ZCWPW2: variants seen among roughly 807,000 people sequenced by gnomAD.
ZCWPW2 encodes the protein zinc finger CW-type PWWP domain protein 2.
ZCWPW2 carries 45 observed loss-of-function variants against 46.6 expected under a neutral mutation model. The observed-to-expected ratio is 0.96, with a 90% CI of 0.76 to 1.24. ZCWPW2 has a LOEUF of 1.24. Ranked by LOEUF, ZCWPW2 falls within the 50% of genes most tolerant of loss-of-function variation. The probability of loss-of-function intolerance (pLI) is 0.00; values close to 1 mark genes in which losing one functional copy is unlikely to be tolerated. For synonymous variants in ZCWPW2, 152 were observed against 137.1 expected (o/e 1.11, Z -0.76); for missense variants, 429 against 403.9 (o/e 1.06, Z -0.53).
chr3:28,443,443 T>G (rs1443186521), intron 4 of ZCWPW2, among the ~76,000 whole-genome samples: 2 of 152,180 alleles, frequency 1.3e-5, no homozygotes. Flanking sequence ...GGTTCTCTGT[T>G]TTTCTAATTC....
chr3:28,360,349 C>CAAAAAAAAAAAAAAAAAAA (rs71087692), intron 1 of ZCWPW2, among the ~76,000 whole-genome samples: 1 of 53,924 alleles, frequency 1.9e-5, no homozygotes, highest in Non-Finnish European at 3.4e-5. Context: ...ACTAAAAATA[C>CAAAAAAAAAAAAAAAAAAA]AAAAAAAAAA....
Position 28,405,635 on chromosome 3 carries a change from C to T in ZCWPW2, c.-13-7421C>T, listed in dbSNP as rs531398695. Among the ~76,000 whole-genome samples, 63 of 152,210 alleles carry T rather than the reference C, an allele frequency of 4.1e-4. 1 individual carries two copies. Among genetic ancestry groups the T allele is most frequent in the African/African-American group, 1.5e-3 (62 of 41,516 alleles). ...GGATTACAGGCACCCACCACCATGC[C>T]TGGCTAATTTTTGTATTTTTAGTAG... On this transcript the variant is annotated intron_variant, in intron 2 of 9. Transcript: ENST00000383768.
chr3:28,464,980 C>A (rs1173125500), intron 4 of ZCWPW2, among the ~76,000 whole-genome samples: 1 of 152,108 alleles, frequency 6.6e-6, no homozygotes, highest in African/African-American at 2.4e-5. Context: ...TAGTATTTGT[C>A]TTTGAGAATA....
At chr3:28,508,546 C>T (rs569304556) in intron 6 of ZCWPW2, among the ~76,000 whole-genome samples, 6 of 152,064 alleles carry the variant, frequency 3.9e-5, no homozygotes, top group South Asian at 2.1e-4. Context: ...GAGACAGAGT[C>T]GCACTCCATC....
At chr3:28,369,840 T>A (rs950408939) in intron 1 of ZCWPW2, among the ~76,000 whole-genome samples, 1 of 152,192 alleles carries the variant, frequency 6.6e-6, no homozygotes, top group African/African-American at 2.4e-5. Context: ...GTTTACCTAC[T>A]CAAGCCTCAG....
intron 1 of ZCWPW2, among the ~76,000 whole-genome samples, chr3:28,352,279 A>G (rs1197310302): frequency 3.3e-5 from 5 of 151,982 alleles, no homozygotes; most frequent in Non-Finnish European, 7.4e-5. Context: ...TACATCCTTT[A>G]CCCTTAACCT....
intron 1 of ZCWPW2, among the ~76,000 whole-genome samples, chr3:28,385,065 A>G (rs193173866): frequency 9.5e-4 from 144 of 152,350 alleles, no homozygotes; most frequent in Non-Finnish European, 4.0e-4. Flanking sequence ...AAGAATCACA[A>G]ATAGATGTTG....
chr3:28,478,071 A>C (rs982813893), intron 4 of ZCWPW2, among the ~76,000 whole-genome samples: 1 of 152,152 alleles, frequency 6.6e-6, no homozygotes, highest in Non-Finnish European at 1.5e-5. Flanking sequence ...TTATGCCATG[A>C]AACTATAATC....
chr3:28,448,277 A>C (rs1001558887), intron 4 of ZCWPW2, among the ~76,000 whole-genome samples: 2 of 152,184 alleles, frequency 1.3e-5, no homozygotes. Flanking sequence ...AAAGAAATTC[A>C]GTTGCATTTC....
rs370593325 is a variant in ZCWPW2, at chr3:28,383,775, C to A, written c.-133-6723C>A. ...ACCTAAACCAAAGTACTCTTTTTGCCACTTTTCTGAAAGTTCAGGGGAAAA... is the reference window on the plus strand; with the variant it reads ...ACCTAAACCAAAGTACTCTTTTTGCAACTTTTCTGAAAGTTCAGGGGAAAA... On this transcript the variant is annotated intron_variant, in intron 1 of 9. Coordinates refer to ENST00000383768, the MANE Select transcript of ZCWPW2 (RefSeq NM_001040432.4). 2.0e-5 allele frequency among the ~76,000 whole-genome samples: 3 copies of A among 151,932 alleles called. No individual in the cohort carries two copies. The East Asian group carries it at 5.8e-4, about 29-fold the overall frequency.
chr3:28,388,318 T>C (rs1695354032), intron 1 of ZCWPW2, among the ~76,000 whole-genome samples: 1 of 152,138 alleles, frequency 6.6e-6, no homozygotes, highest in South Asian at 2.1e-4. Flanking sequence ...AAATTAGCTA[T>C]CACAAGTCCC....
chr3:28,434,474 ATGTT>A (rs72115982), intron 3 of ZCWPW2, among the ~76,000 whole-genome samples: 1,677 of 152,336 alleles, frequency 0.011, 27 homozygotes, highest in African/African-American at 0.03. Context: ...ATATCTCTAA[ATGTT>A]TGTTTTTAAT....
At chr3:28,468,808 G>A (rs1191200267) in intron 4 of ZCWPW2, among the ~76,000 whole-genome samples, 1 of 152,096 alleles carries the variant, frequency 6.6e-6, no homozygotes, top group African/African-American at 2.4e-5. Flanking sequence ...TGTCCTACAA[G>A]AAATGATAAA....
At chr3:28,390,676 A>G in intron 2 of ZCWPW2, 59 bp downstream of exon 2, 2 of 979,314 alleles carry the variant, frequency 2.0e-6, no homozygotes, top group Non-Finnish European at 2.4e-6. Flanking sequence ...TTTTATTCCC[A>G]TCACTGTTCT....
chr3:28,355,532 G>T (rs1162713858), intron 1 of ZCWPW2, among the ~76,000 whole-genome samples: 1 of 152,194 alleles, frequency 6.6e-6, no homozygotes, highest in Non-Finnish European at 1.5e-5. Flanking sequence ...GAAAGAGCCC[G>T]CATTGCCAAG....
Position 28,476,074 on chromosome 3 carries a change from C to A in ZCWPW2, c.493-2740C>A, listed in dbSNP as rs540045032. ...AAAAAATCAATTATATATAACTATT[C>A]CTAACATTCATTATATATTTATATG... On this transcript the variant is annotated intron_variant, in intron 4 of 9. Transcript: ENST00000383768. Among the ~76,000 whole-genome samples the A allele has an allele frequency of 6.6e-5, 10 of 151,102 alleles. 1 individual carries two copies. The highest frequency in any genetic ancestry group is 3.5e-3 in the Middle Eastern group (1 of 286).
At chr3:28,513,347 G>T (rs1303352896) in intron 6 of ZCWPW2, among the ~76,000 whole-genome samples, 1 of 152,124 alleles carries the variant, frequency 6.6e-6, no homozygotes, top group Non-Finnish European at 1.5e-5. Context: ...AATCTCAGGA[G>T]ACATGAAATT....
At chr3:28,498,099 C>T (rs1263028506) in intron 6 of ZCWPW2, among the ~76,000 whole-genome samples, 1 of 151,924 alleles carries the variant, frequency 6.6e-6, no homozygotes, top group African/African-American at 2.4e-5. Flanking sequence ...ATATCTGAGT[C>T]AAGTGGGCCT....
Position 28,523,316 on chromosome 3 carries a change from TGAG to T in ZCWPW2, c.910-1207_910-1205del, listed in dbSNP as rs142755173. ...ATTTGGGTTCTTGTTCACTTTTAAATGAGGAGAATAACAGTGAAACCAACTAGC... is the reference window on the plus strand; with the variant it reads ...ATTTGGGTTCTTGTTCACTTTTAAATGAGAATAACAGTGAAACCAACTAGC... On this transcript the variant is annotated intron_variant, in intron 9 of 9. Coordinates refer to ENST00000383768, the MANE Select transcript of ZCWPW2 (RefSeq NM_001040432.4). 9.2e-3 allele frequency among the ~76,000 whole-genome samples: 1,401 copies of T among 152,270 alleles called. 10 individuals carry two copies. The highest frequency in any genetic ancestry group is 0.013 in the Non-Finnish European group (910 of 68,012).
Sources: allele counts gnomAD v4.1 joint callset (sites outside exome capture counted in the v4.1 genomes callset), GRCh38; gene constraint gnomAD v4.1.1; transcripts MANE v1.5; gene names NCBI Gene and HGNC (gene_info 2026-07-23, HGNC 2026-07-21).